The following DCC variants were observed in gnomAD, a reference collection of about 807,000 sequenced individuals.
The protein encoded by DCC is netrin receptor DCC.
Under a neutral mutation model 172.5 loss-of-function variants are expected in DCC, and 58 were observed. The ratio of observed to expected loss-of-function variants is 0.34; its 90% CI spans 0.27 to 0.42. DCC has a LOEUF of 0.42. Ranked by LOEUF, DCC falls within the 10% of genes least tolerant of loss-of-function variation. DCC has a pLI of 1.00. For missense variants in DCC, 1,740 were observed against 1,791.0 expected (o/e 0.97, Z 0.51); for synonymous variants, 709 against 644.5 (o/e 1.10, Z -1.52).
chr18:53,142,688 T>C (rs1006516516), intron 7 of DCC, among the ~76,000 whole-genome samples: 8 of 152,210 alleles, frequency 5.3e-5, no homozygotes, highest in Non-Finnish European at 7.3e-5. Context: ...TACCCAGTTT[T>C]CCACTGCTAA....
intron 1 of DCC, among the ~76,000 whole-genome samples, chr18:52,624,043 T>C (rs1490534996): frequency 6.6e-6 from 1 of 152,158 alleles, no homozygotes; most frequent in Admixed American, 6.5e-5. Flanking sequence ...ACCCATGCAA[T>C]GGATTCAACT....
At chr18:53,254,775 G>C (rs1459656669) in intron 12 of DCC, among the ~76,000 whole-genome samples, 1 of 152,032 alleles carries the variant, frequency 6.6e-6, no homozygotes, top group Non-Finnish European at 1.5e-5. Flanking sequence ...ACCTCACTCA[G>C]GGTGAGATGG....
intron 26 of DCC, among the ~76,000 whole-genome samples, chr18:53,488,378 C>T (rs192832241): frequency 1.3e-5 from 2 of 151,840 alleles, no homozygotes; most frequent in Admixed American, 6.6e-5. Context: ...CTATTTATTT[C>T]AAATTAAAAA....
At chr18:52,495,056 G>T (rs1045372464) in intron 1 of DCC, among the ~76,000 whole-genome samples, 2 of 152,042 alleles carry the variant, frequency 1.3e-5, no homozygotes, top group African/African-American at 4.8e-5. Context: ...CTAGGATGGA[G>T]TCCTCAATGG....
chr18:52,921,618 G>A (rs1235951382), intron 3 of DCC, among the ~76,000 whole-genome samples: 3 of 151,802 alleles, frequency 2.0e-5, no homozygotes, highest in African/African-American at 7.2e-5. Flanking sequence ...AGAATCCGTT[G>A]AACCCAGGAG....
At chr18:52,945,194 T>C (rs528802162) in intron 5 of DCC, among the ~76,000 whole-genome samples, 7 of 152,356 alleles carry the variant, frequency 4.6e-5, no homozygotes, top group African/African-American at 1.7e-4. Flanking sequence ...CTGGTGCTAT[T>C]GTTTCCTTTA....
chr18:52,510,035 C>T (rs1051997515), intron 1 of DCC, among the ~76,000 whole-genome samples: 10 of 151,362 alleles, frequency 6.6e-5, no homozygotes, highest in Non-Finnish European at 1.0e-4. Flanking sequence ...ACCCAGGAGG[C>T]GGAGGTTACG....
chr18:52,510,654 T>G (rs1337418709), intron 1 of DCC, among the ~76,000 whole-genome samples: 1 of 152,144 alleles, frequency 6.6e-6, no homozygotes, highest in Non-Finnish European at 1.5e-5. Flanking sequence ...TCTAATTAAG[T>G]CAGCTAATAT....
At chr18:52,849,483 G>A (rs539382743) in intron 2 of DCC, among the ~76,000 whole-genome samples, 1 of 152,290 alleles carries the variant, frequency 6.6e-6, no homozygotes, top group East Asian at 1.9e-4. Context: ...GCCCCTAGCT[G>A]AGCAGCTGAG....
At chr18:53,182,152 G>A (rs2055207476) in intron 9 of DCC, among the ~76,000 whole-genome samples, 1 of 152,162 alleles carries the variant, frequency 6.6e-6, no homozygotes. Context: ...AATAAAACAT[G>A]CTGATTGTTG....
chr18:53,414,803 G>A (rs1211027667), intron 20 of DCC, among the ~76,000 whole-genome samples: 2 of 152,124 alleles, frequency 1.3e-5, no homozygotes, highest in East Asian at 3.9e-4. Context: ...AGCTGAGATT[G>A]CACCACTGCA....
chr18:52,386,727 A>G (rs1450717282), intron 1 of DCC, among the ~76,000 whole-genome samples: 3 of 152,080 alleles, frequency 2.0e-5, no homozygotes, highest in East Asian at 3.9e-4. Flanking sequence ...TTAGGGAAAG[A>G]GATTGTTGGG....
chr18:53,332,771 CA>C (rs2057544943), intron 14 of DCC, among the ~76,000 whole-genome samples: 7 of 142,108 alleles, frequency 4.9e-5, no homozygotes, highest in Non-Finnish European at 9.1e-5. Context: ...TGGTGGATAC[CA>C]AAATTTTACC....
At chr18:52,984,312 C>T (rs540787805) in intron 5 of DCC, among the ~76,000 whole-genome samples, 3 of 151,882 alleles carry the variant, frequency 2.0e-5, no homozygotes, top group Admixed American at 2.0e-4. Flanking sequence ...TGTGGAAGTC[C>T]CTCCAAAGAG....
intron 12 of DCC, among the ~76,000 whole-genome samples, chr18:53,238,348 T>C (rs2056235041): frequency 6.6e-6 from 1 of 152,238 alleles, no homozygotes; most frequent in African/African-American, 2.4e-5. Context: ...TTGTGTTCCA[T>C]AAGACTGTAA....
rs535959526 is a variant in DCC at position 52,906,937 on chromosome 18, C to T, written c.697+609C>T. On this transcript the variant is annotated intron_variant, in intron 3 of 28. Coordinates refer to ENST00000442544, the MANE Select transcript of DCC (RefSeq NM_005215.4). ...TTTAGGCTCTGAGCATACTGTAGTG[C>T]CAGACAGAAAATGTGGTAAAGTGTG... is the stretch of plus-strand genomic sequence containing the variant. 3.8e-4 allele frequency among the ~76,000 whole-genome samples: 58 copies of T among 151,878 alleles called. No homozygotes were observed. The South Asian group carries it at 4.6e-3, about 12-fold the overall frequency.
intron 8 of DCC, among the ~76,000 whole-genome samples, chr18:53,166,257 A>G (rs757263129): frequency 3.3e-5 from 5 of 152,162 alleles, no homozygotes; most frequent in Non-Finnish European, 5.9e-5. Context: ...GGAAAGGTCC[A>G]TATTTGAAAT....
intron 6 of DCC, among the ~76,000 whole-genome samples, chr18:53,064,215 CATT>C (rs1274537663): frequency 6.6e-6 from 1 of 152,074 alleles, no homozygotes; most frequent in Admixed American, 6.6e-5. Flanking sequence ...CAATACCTTC[CATT>C]ATTGTAGCTT....
At chr18:52,708,378 C>A (rs1455282286) in intron 1 of DCC, among the ~76,000 whole-genome samples, 1 of 150,566 alleles carries the variant, frequency 6.6e-6, no homozygotes, top group African/African-American at 2.5e-5. Flanking sequence ...GGAGGCAGAG[C>A]TTGCAGTGAG....
Sources: gnomAD v4.1 joint callset for allele counts (sites outside exome capture counted in the v4.1 genomes callset) on GRCh38, gnomAD v4.1.1 for gene constraint, MANE v1.5 for transcripts, NCBI Gene and HGNC (gene_info 2026-07-23, HGNC 2026-07-21) for gene names.